PRR4: variants seen among roughly 807,000 people sequenced by gnomAD.
PRR4 encodes the protein proline rich 4.
In PRR4, 7 loss-of-function variants were observed where a neutral mutation model predicts 7.6. The ratio of observed to expected loss-of-function variants is 0.92; its 90% CI spans 0.52 to 1.73. PRR4 has a LOEUF of 1.73. Among genes scored for constraint, PRR4 ranks in the 40% most tolerant of loss-of-function variants. The pLI is 0.00. For synonymous variants in PRR4, 64 were observed against 58.5 expected (o/e 1.09, Z -0.43); for missense variants, 187 against 161.0 (o/e 1.16, Z -0.87).
Position 10,847,190 on chromosome 12 carries a change from C to G in PRR4, c.278G>C (p.Arg93Pro), listed in dbSNP as rs768598943. The change falls in exon 3 of 4, where the codon CGA (arginine) becomes CCA (proline). Residue 93 changes from arginine (R) to proline (P), a missense_variant. Physicochemically the swap from Arg to Pro is moderately radical, Grantham distance 103. Coordinates refer to ENST00000228811, the MANE Select transcript of PRR4 (RefSeq NM_007244.3). ...PPPPPFQNQQ[R>P]PPRRGHRQLS... Reference sequence around the variant, plus strand: ...TTGACGGTGTCCTCGTCGGGGTGGTCGTTGCTGATTTTGAAAAGGAGGTGG... The same window carrying G: ...TTGACGGTGTCCTCGTCGGGGTGGTGGTTGCTGATTTTGAAAAGGAGGTGG... 13 of 1,613,098 alleles carry G rather than the reference C, an allele frequency of 8.1e-6. No individual in the cohort carries two copies. The highest frequency in any genetic ancestry group is 1.1e-5 in the Non-Finnish European group (13 of 1,179,620).
chr12:10,848,511 C>T, intron 1 of PRR4, 104 bp from the exon 2 acceptor site: 2 of 995,242 alleles, frequency 2.0e-6, no homozygotes, highest in South Asian at 1.7e-5. Context: ...CCTGTGCATC[C>T]CCTAAGTTAC....
At chr12:10,849,165 A>G in intron 1 of PRR4, 1 of 254,208 alleles carries the variant, frequency 3.9e-6, no homozygotes. Flanking sequence ...TGTATATCAA[A>G]TAAAGTATAA....
chr12:10,846,435 C>A (rs1157723792), intron 3 of PRR4, among the ~76,000 whole-genome samples: 1 of 151,866 alleles, frequency 6.6e-6, no homozygotes, highest in Non-Finnish European at 1.5e-5. Flanking sequence ...GGAGGATGTT[C>A]AAAAAATTAA....
chr12:10,848,281 A>C (rs1271484288), intron 2 of PRR4, 91 bp downstream of exon 2: 2 of 1,336,496 alleles, frequency 1.5e-6, no homozygotes, highest in Admixed American at 2.0e-5. Flanking sequence ...CTCCCAAAAA[A>C]ATGATGAGAA....
At chr12:10,848,657 C>G in intron 1 of PRR4, 1 of 398,064 alleles carries the variant, frequency 2.5e-6, no homozygotes, top group Non-Finnish European at 4.4e-6. Flanking sequence ...TCCCTCAAAC[C>G]CTAATGCTAA....
rs201802308 is a variant in PRR4 at position 10,849,472 on chromosome 12, C to T, written c.-35G>A. ...GGCTCTGGAGTTGCTCCCAACTCTG[C>T]GTTGAGAGAAACATGGCAGCTCCCT... On this transcript the variant is annotated 5_prime_UTR_variant, in exon 1 of 4. Coordinates refer to ENST00000228811, the MANE Select transcript of PRR4 (RefSeq NM_007244.3). 6.9e-5 allele frequency: 105 copies of T among 1,523,440 alleles called. No individual in the cohort carries two copies. In the Middle Eastern group the frequency reaches 9.5e-4, roughly 14 times the overall value. The allele number at this position is 1,523,440 out of a possible 1,614,324, so 94.4% of individuals were successfully genotyped here. A position where few individuals can be genotyped will look rare whatever the true frequency, so the allele number is the denominator to read the frequency against.
intron 1 of PRR4, 69 bp from the exon 2 acceptor site, chr12:10,848,476 A>C: frequency 6.7e-7 from 1 of 1,495,420 alleles, no homozygotes; most frequent in Non-Finnish European, 9.2e-7. Context: ...AGTGGTCTAT[A>C]GGGAAAGGGG....
chr12:10,848,529 A>G (rs766867541), intron 1 of PRR4, 122 bp from the exon 2 acceptor site: 109 of 840,044 alleles, frequency 1.3e-4, no homozygotes, highest in Admixed American at 1.7e-4. Flanking sequence ...TACCTCATCA[A>G]CCATGTTCTG....
Position 10,849,378 on chromosome 12 carries a change from A to C in PRR4, c.60T>G (p.Asp20Glu), listed in dbSNP as rs767570416. The C allele has an allele frequency of 6.3e-6, 10 of 1,593,258 alleles. No homozygotes were observed. The East Asian group carries it at 6.7e-5, about 11-fold the overall frequency. ...TTAAAAAAATAATTTTTTTACCATTATCTGTGCTCTGAGCTGAGCTCAGAG... is the reference window on the plus strand; with the variant it reads ...TTAAAAAAATAATTTTTTTACCATTCTCTGTGCTCTGAGCTGAGCTCAGAG... ...LLALSSAQST[D>E]NDVNYEDFTF... The change falls in exon 1 of 4, where the codon GAT becomes GAG. Residue 20 changes from aspartate (D) to glutamate (E), a missense_variant. Asp to Glu is a conservative substitution (Grantham distance 45, BLOSUM62 2). Coordinates refer to ENST00000228811, the MANE Select transcript of PRR4 (RefSeq NM_007244.3).
At position 10,849,464 on chromosome 12, in the gene PRR4, C is replaced by G; in HGVS notation, c.-27G>C. The G allele has an allele frequency of 6.4e-7, 1 of 1,568,960 alleles. No homozygotes were observed. The highest frequency in any genetic ancestry group is 8.7e-7 in the Non-Finnish European group (1 of 1,155,194). ...TTGAAGGAGGCTCTGGAGTTGCTCC[C>G]AACTCTGCGTTGAGAGAAACATGGC... On this transcript the variant is annotated 5_prime_UTR_variant, in exon 1 of 4. Coordinates refer to ENST00000228811, the MANE Select transcript of PRR4 (RefSeq NM_007244.3).
chr12:10,845,937 T>C lies in PRR4; in HGVS notation c.*32A>G, dbSNP rs556711710. The C allele has an allele frequency of 1.9e-5, 26 of 1,340,940 alleles. No individual in the cohort carries two copies. The highest frequency in any genetic ancestry group is 1.9e-4 in the Middle Eastern group (1 of 5,282). 83.1% of individuals were successfully genotyped at this position (1,340,940 alleles called of 1,614,324 possible). Reference sequence around the variant, plus strand: ...TCATGGCTTTCTGAAGGAAGTTATCTTCTTATTTATTTTCTGAAACAAAAA... The same window carrying C: ...TCATGGCTTTCTGAAGGAAGTTATCCTCTTATTTATTTTCTGAAACAAAAA... On this transcript the variant is annotated 3_prime_UTR_variant, in exon 4 of 4. Transcript: ENST00000228811.
chr12:10,848,532 A>G (rs1206133324), intron 1 of PRR4, 125 bp from the exon 2 acceptor site: 13 of 801,334 alleles, frequency 1.6e-5, no homozygotes, highest in Non-Finnish European at 2.5e-5. Flanking sequence ...CTCATCAACC[A>G]TGTTCTGTGA....
chr12:10,845,943 T>C lies in PRR4; in HGVS notation c.*26A>G, dbSNP rs928626165. 4 of 1,342,206 alleles carry C rather than the reference T, an allele frequency of 3.0e-6. No individual in the cohort carries two copies. The highest frequency in any genetic ancestry group is 3.0e-5 in the African/African-American group (2 of 66,580). The allele number at this position is 1,342,206 out of a possible 1,614,324, so 83.1% of individuals were successfully genotyped here. On this transcript the variant is annotated 3_prime_UTR_variant, in exon 4 of 4. Coordinates refer to ENST00000228811, the MANE Select transcript of PRR4 (RefSeq NM_007244.3). ...CTTTCTGAAGGAAGTTATCTTCTTATTTATTTTCTGAAACAAAAAAAAAAA... is the reference window on the plus strand; with the variant it reads ...CTTTCTGAAGGAAGTTATCTTCTTACTTATTTTCTGAAACAAAAAAAAAAA...
chr12:10,849,463 C>T lies in PRR4; in HGVS notation c.-26G>A, dbSNP rs761554843. ...CTTGAAGGAGGCTCTGGAGTTGCTC[C>T]CAACTCTGCGTTGAGAGAAACATGG... On this transcript the variant is annotated 5_prime_UTR_variant, in exon 1 of 4. Coordinates refer to ENST00000228811, the MANE Select transcript of PRR4 (RefSeq NM_007244.3). The T allele has an allele frequency of 1.3e-6, 2 of 1,565,938 alleles. No homozygotes were observed. Among genetic ancestry groups the T allele is most frequent in the Non-Finnish European group, 1.7e-6 (2 of 1,153,300 alleles).
rs370410700 is a variant in PRR4 at position 10,848,348 on chromosome 12, G to A, written c.100+24C>T. On this transcript the variant is annotated intron_variant, in intron 2 of 3. Coordinates refer to ENST00000228811, the MANE Select transcript of PRR4 (RefSeq NM_007244.3). ...TAGTGGAAAAAGAAAGAAAAGAATTGGATTGAGGATCATTGGGATTTACCT... is the reference window on the plus strand; with the variant it reads ...TAGTGGAAAAAGAAAGAAAAGAATTAGATTGAGGATCATTGGGATTTACCT... The A allele has an allele frequency of 5.0e-6, 8 of 1,590,290 alleles. No individual in the cohort carries two copies. In the African/African-American group the frequency reaches 8.1e-5, roughly 16 times the overall value.
chr12:10,849,417 T>C lies in PRR4; in HGVS notation c.21A>G (p.Ser7=), dbSNP rs1232515177. The C allele has an allele frequency of 1.2e-6, 2 of 1,607,790 alleles. No individual in the cohort carries two copies. The highest frequency in any genetic ancestry group is 1.7e-4 in the Middle Eastern group (1 of 5,952). Reference sequence around the variant, plus strand: ...CTGAGCTCAGAGCCAGAAGGACCACTGAGAGCAGGACCAGCAGCATCTTGA... The same window carrying C: ...CTGAGCTCAGAGCCAGAAGGACCACCGAGAGCAGGACCAGCAGCATCTTGA... The part of the protein sequence containing the change: MLLVLL[S]VVLLALSSAQ... Residue 7 remains serine (S), a synonymous_variant, in exon 1 of 4, where the codon TCA becomes TCG. Coordinates refer to ENST00000228811, the MANE Select transcript of PRR4 (RefSeq NM_007244.3).
At chr12:10,849,070 T>C in intron 1 of PRR4, 1 of 166,774 alleles carries the variant, frequency 6.0e-6, no homozygotes, top group South Asian at 1.8e-4. Context: ...CTCCACTGCA[T>C]CCTTCACAGC....
intron 2 of PRR4, 49 bp from the exon 3 acceptor site, chr12:10,847,416 ACT>A (rs771763988): frequency 7.6e-7 from 1 of 1,320,798 alleles, no homozygotes. Flanking sequence ...GTGAAGAAAA[ACT>A]CTCCTCTCTT....
Position 10,845,874 on chromosome 12 carries a change from T to C in PRR4, c.*95A>G. 1 of 1,123,852 alleles carries C rather than the reference T, an allele frequency of 8.9e-7. No individual in the cohort carries two copies. The allele number at this position is 1,123,852 out of a possible 1,614,324, so 69.6% of individuals were successfully genotyped here. On this transcript the variant is annotated 3_prime_UTR_variant, in exon 4 of 4. Coordinates refer to ENST00000228811, the MANE Select transcript of PRR4 (RefSeq NM_007244.3). ...TTGCATGCTATTAATATTTTATTGG[T>C]ATACTGAAGAAAGAGTTATGACCAC...
Sources: allele counts gnomAD v4.1 joint callset (sites outside exome capture counted in the v4.1 genomes callset), GRCh38; gene constraint gnomAD v4.1.1; transcripts MANE v1.5; gene names NCBI Gene and HGNC (gene_info 2026-07-23, HGNC 2026-07-21).